The following KIDINS220 variants were observed in gnomAD, a reference collection of about 807,000 sequenced individuals.
KIDINS220 encodes kinase D-interacting substrate of 220 kDa.
In KIDINS220, 63 loss-of-function variants were observed where a neutral mutation model predicts 157.6. The observed-to-expected ratio is 0.40, with a 90% confidence interval of 0.33 to 0.49. KIDINS220 has a LOEUF of 0.49. Among genes scored for constraint, KIDINS220 ranks in the 20% least tolerant of loss-of-function variants. KIDINS220 has a pLI of 0.66. For missense variants in KIDINS220, 1,772 were observed against 2,171.2 expected, an observed-to-expected ratio of 0.82 and a Z score of 3.65; for synonymous variants, 732 against 783.6, an observed-to-expected ratio of 0.93 and a Z score of 1.10.
In KIDINS220 at chr2:8,786,048, G is replaced by A. The variant is rs1558418753; in HGVS notation, c.1940-18C>T. On this transcript the variant is annotated intron_variant, in intron 16 of 29. Transcript: ENST00000256707. ...CTTTTTACCTGTAATGCAACAAATG[G>A]TTTTAATAATTAACATATCAAGGAT... 1 of 1,587,350 alleles carries A rather than the reference G, an allele frequency of 6.3e-7. No homozygotes were observed. Among genetic ancestry groups the A allele is most frequent in the Non-Finnish European group, 8.6e-7 (1 of 1,168,026 alleles).
In KIDINS220 at chr2:8,789,999, A is replaced by G. The variant is rs1319522135; in HGVS notation, c.1502T>C (p.Ile501Thr). The part of the protein sequence containing the change: ...IEPLFQFSWL[I>T]VFLTLLLCGG... ...ACAAAGTAGCAGGGTAAGAAACACT[A>G]TGAGCCATGAGAACTGAAAGAGAGG... Residue 501 changes from isoleucine (I) to threonine (T), a missense_variant, in exon 14 of 30, where the codon ATA becomes ACA. By Grantham distance (89) the Ile-to-Thr change is moderately conservative. Coordinates refer to ENST00000256707, the MANE Select transcript of KIDINS220 (RefSeq NM_020738.4). 5 of 1,612,924 alleles carry G rather than the reference A, an allele frequency of 3.1e-6. No homozygotes were observed. The highest frequency in any genetic ancestry group is 4.2e-6 in the Non-Finnish European group (5 of 1,179,734).
chr2:8,790,861 G>A (rs191511010), intron 13 of KIDINS220, among the ~76,000 whole-genome samples, 199 bp downstream of exon 13: 6 of 152,278 alleles, frequency 3.9e-5, no homozygotes, highest in Admixed American at 3.9e-4. Context: ...GGTTTTATGT[G>A]GGGTTATCAC....
chr2:8,747,087 T>C, intron 26 of KIDINS220, 58 bp downstream of exon 26: 2 of 1,480,482 alleles, frequency 1.4e-6, no homozygotes, highest in South Asian at 1.1e-5. Context: ...AAGACAGTCA[T>C]TACTGAGGCA....
At chr2:8,810,722 G>C (rs962875644) in intron 6 of KIDINS220, among the ~76,000 whole-genome samples, 5 of 152,070 alleles carry the variant, frequency 3.3e-5, no homozygotes, top group African/African-American at 4.8e-5. Context: ...GGAGGCAGAG[G>C]TTGCAGTAAG....
intron 26 of KIDINS220, among the ~76,000 whole-genome samples, chr2:8,742,082 T>C (rs1383163148): frequency 6.6e-6 from 1 of 152,070 alleles, no homozygotes; most frequent in Non-Finnish European, 1.5e-5. Flanking sequence ...ACAGCTTAAG[T>C]TCTAAACCAG....
intron 9 of KIDINS220, 164 bp downstream of exon 9, chr2:8,800,236 T>G: frequency 2.0e-6 from 1 of 495,936 alleles, no homozygotes; most frequent in African/African-American, 1.9e-5. Context: ...ATATAGAAAT[T>G]TTACAATAAT....
chr2:8,725,855 G>A (rs559270844), downstream of KIDINS220, among the ~76,000 whole-genome samples: 1 of 152,284 alleles, frequency 6.6e-6, no homozygotes, highest in African/African-American at 2.4e-5. Flanking sequence ...GTTATTCCAT[G>A]TTCTGTCAAA....
chr2:8,797,006 T>A, intron 10 of KIDINS220, 137 bp from the exon 11 acceptor site: 8 of 689,736 alleles, frequency 1.2e-5, no homozygotes, highest in Admixed American at 1.0e-4. Flanking sequence ...ACATAAAAGC[T>A]AACAACAAAA....
chr2:8,799,968 C>T (rs1029022847), intron 9 of KIDINS220, among the ~76,000 whole-genome samples: 1 of 151,962 alleles, frequency 6.6e-6, no homozygotes, highest in African/African-American at 2.4e-5. Context: ...AAGGCAGGCA[C>T]AGTGGGGAAA....
intron 6 of KIDINS220, among the ~76,000 whole-genome samples, chr2:8,806,580 C>T (rs1414940222): frequency 6.6e-6 from 1 of 152,028 alleles, no homozygotes; most frequent in Non-Finnish European, 1.5e-5. Flanking sequence ...TTTTAACCAA[C>T]CTTATTTAAC....
intron 1 of KIDINS220, among the ~76,000 whole-genome samples, chr2:8,832,328 A>T (rs886087243): frequency 6.6e-6 from 1 of 152,242 alleles, no homozygotes; most frequent in Non-Finnish European, 1.5e-5. Flanking sequence ...ATTGATTATT[A>T]AATGTCATAA....
intron 28 of KIDINS220, 152 bp from the exon 29 acceptor site, chr2:8,733,832 A>G (rs1664487322): frequency 1.7e-6 from 1 of 578,296 alleles, no homozygotes; most frequent in East Asian, 2.9e-5. Context: ...TTTGTTTTAT[A>G]CATCAGCTTA....
intron 17 of KIDINS220, among the ~76,000 whole-genome samples, chr2:8,783,644 A>T (rs1672003992): frequency 6.6e-6 from 1 of 152,226 alleles, no homozygotes; most frequent in Admixed American, 6.5e-5. Flanking sequence ...ATTTCAGATT[A>T]ATACAAAAGT....
intron 20 of KIDINS220, among the ~76,000 whole-genome samples, chr2:8,778,000 T>C (rs954858252): frequency 2.6e-5 from 4 of 152,148 alleles, no homozygotes; most frequent in African/African-American, 9.7e-5. Flanking sequence ...GAAAAAAACA[T>C]AATGCCAATA....
intron 11 of KIDINS220, among the ~76,000 whole-genome samples, chr2:8,794,588 C>G (rs940510695): frequency 2.6e-5 from 4 of 152,128 alleles, no homozygotes; most frequent in Non-Finnish European, 5.9e-5. Context: ...ATTCTCCTCA[C>G]CTTTCCACTC....
intron 21 of KIDINS220, among the ~76,000 whole-genome samples, chr2:8,772,091 T>A (rs1001004500): frequency 1.3e-5 from 2 of 152,106 alleles, no homozygotes; most frequent in Non-Finnish European, 2.9e-5. Flanking sequence ...GTGAGGACAT[T>A]CAGACAAAAG....
chr2:8,774,148 T>C (rs1224801677), intron 21 of KIDINS220, among the ~76,000 whole-genome samples: 2 of 151,326 alleles, frequency 1.3e-5, no homozygotes, highest in African/African-American at 4.9e-5. Flanking sequence ...ATACAAAAAT[T>C]AGCCGGGCGT....
chr2:8,820,617 A>G lies in KIDINS220; in HGVS notation c.109-1824T>C, dbSNP rs552349136. Reference sequence around the variant, plus strand: ...GGATGGATGCTAAATTATACGTGGTAGCCACATGTCATCCAACCAGGGTCA... The same window carrying G: ...GGATGGATGCTAAATTATACGTGGTGGCCACATGTCATCCAACCAGGGTCA... On this transcript the variant is annotated intron_variant, in intron 2 of 29. Transcript: ENST00000256707. Among the ~76,000 whole-genome samples, 3 of 152,320 alleles carry G rather than the reference A, an allele frequency of 2.0e-5. No individual in the cohort carries two copies. The East Asian group carries it at 5.8e-4, about 29-fold the overall frequency.
intron 9 of KIDINS220, among the ~76,000 whole-genome samples, chr2:8,799,962 C>T (rs1210552364): frequency 1.3e-5 from 2 of 152,098 alleles, no homozygotes; most frequent in Non-Finnish European, 2.9e-5. Context: ...CTAGGAAAGG[C>T]AGGCACAGTG....
Sources: gnomAD v4.1 joint callset for allele counts (sites outside exome capture counted in the v4.1 genomes callset) on GRCh38, gnomAD v4.1.1 for gene constraint, MANE v1.5 for transcripts, NCBI Gene and HGNC (gene_info 2026-07-23, HGNC 2026-07-21) for gene names.